Variants in NTNG1 observed in about 807,000 individuals in gnomAD.
NTNG1 encodes the protein netrin G1.
NTNG1 carries 16 observed loss-of-function variants against 54.0 expected under a neutral mutation model. That is an observed-to-expected ratio of 0.30 (90% confidence interval 0.20 to 0.45). NTNG1 has a LOEUF of 0.45. Ranked by LOEUF, NTNG1 falls within the 20% of genes least tolerant of loss-of-function variation. The probability of loss-of-function intolerance (pLI) is 1.00; values close to 1 mark genes in which losing one functional copy is unlikely to be tolerated. For synonymous variants in NTNG1, 255 were observed against 263.1 expected, an observed-to-expected ratio of 0.97 and a Z score of 0.30; for missense variants, 530 against 678.7, an observed-to-expected ratio of 0.78 and a Z score of 2.43.
chr1:107,233,639 C>T (rs1382993628), intron 2 of NTNG1, among the ~76,000 whole-genome samples: 1 of 152,132 alleles, frequency 6.6e-6, no homozygotes, highest in Non-Finnish European at 1.5e-5. Context: ...TCACTGTTCC[C>T]CACATCTAGA....
chr1:107,433,735 A>G (rs1293222190), intron 6 of NTNG1, among the ~76,000 whole-genome samples: 1 of 152,182 alleles, frequency 6.6e-6, no homozygotes, highest in Non-Finnish European at 1.5e-5. Context: ...CAATGAATTA[A>G]TAACAATTTC....
intron 2 of NTNG1, among the ~76,000 whole-genome samples, chr1:107,296,647 A>G (rs954663511): frequency 2.7e-5 from 4 of 145,666 alleles, no homozygotes; most frequent in Non-Finnish European, 6.0e-5. Flanking sequence ...TGAAATATAT[A>G]TTATTTACAT....
intron 2 of NTNG1, among the ~76,000 whole-genome samples, chr1:107,202,489 C>G (rs1658830698): frequency 6.6e-6 from 1 of 151,752 alleles, no homozygotes; most frequent in Admixed American, 6.6e-5. Flanking sequence ...AGTACTACTA[C>G]TACTATTTTA....
chr1:107,205,064 G>A (rs1052414312), intron 2 of NTNG1, among the ~76,000 whole-genome samples: 2 of 152,150 alleles, frequency 1.3e-5, no homozygotes, highest in African/African-American at 4.8e-5. Flanking sequence ...ACATGAAAAT[G>A]TGGAGCTCCA....
chr1:107,399,418 T>C (rs1672884065), intron 4 of NTNG1, among the ~76,000 whole-genome samples: 1 of 152,338 alleles, frequency 6.6e-6, no homozygotes, highest in Middle Eastern at 3.4e-3. Context: ...GACTTTGACA[T>C]TATTTGTTCA....
At chr1:107,188,692 G>C (rs1462406866) in intron 2 of NTNG1, among the ~76,000 whole-genome samples, 1 of 151,794 alleles carries the variant, frequency 6.6e-6, no homozygotes. Context: ...ATTATATTTG[G>C]GTCTCTTGGT....
At chr1:107,260,933 T>A (rs1456172031) in intron 2 of NTNG1, 1 of 152,194 alleles carries the variant, frequency 6.6e-6, no homozygotes, top group Non-Finnish European at 1.5e-5. Context: ...CAGCTGGGAC[T>A]ACTCACCAAG....
chr1:107,354,697 C>T (rs1432170686), intron 3 of NTNG1, among the ~76,000 whole-genome samples: 1 of 151,938 alleles, frequency 6.6e-6, no homozygotes, highest in Non-Finnish European at 1.5e-5. Context: ...CCTTTTGGTC[C>T]TCACCAATAC....
At chr1:107,233,431 A>G (rs1557831098) in intron 2 of NTNG1, among the ~76,000 whole-genome samples, 1 of 152,222 alleles carries the variant, frequency 6.6e-6, no homozygotes, top group Non-Finnish European at 1.5e-5. Context: ...CTTTCAGTAA[A>G]CAACCTTGAT....
At chr1:107,262,021 C>A (rs2101655204) in intron 2 of NTNG1, among the ~76,000 whole-genome samples, 1 of 152,272 alleles carries the variant, frequency 6.6e-6, no homozygotes, top group South Asian at 2.1e-4. Context: ...AAATAAGATA[C>A]ACCTTAAAAT....
intron 2 of NTNG1, among the ~76,000 whole-genome samples, chr1:107,190,398 A>C (rs1162765179): frequency 6.6e-6 from 1 of 152,128 alleles, no homozygotes; most frequent in Non-Finnish European, 1.5e-5. Flanking sequence ...AGAGTTCTTG[A>C]GCATCTTTTT....
At position 107,361,391 on chromosome 1, in the gene NTNG1, A is replaced by ATATATATTTT. The variant is rs370815306; in HGVS notation, c.888-33762_888-33761insATATATTTTT. ...TATATATACATATATATATATATAT[A>ATATATATTTT]TTTTTTTTTTTTTTTGAGACACAGT... On this transcript the variant is annotated intron_variant, in intron 3 of 7. Coordinates refer to ENST00000370068, the MANE Select transcript of NTNG1 (RefSeq NM_001113226.3). Among the ~76,000 whole-genome samples, 561 of 87,924 alleles carry ATATATATTTT rather than the reference A, an allele frequency of 6.4e-3. 2 individuals are homozygous for ATATATATTTT. The highest frequency in any genetic ancestry group is 8.0e-3 in the Non-Finnish European group (373 of 46,496). The allele number at this position is 87,924 out of a possible 152,430, so 57.7% of individuals were successfully genotyped here.
chr1:107,251,173 A>C (rs1319853200), intron 2 of NTNG1, among the ~76,000 whole-genome samples: 1 of 152,204 alleles, frequency 6.6e-6, no homozygotes, highest in Non-Finnish European at 1.5e-5. Flanking sequence ...TAAATGCCAA[A>C]ACTTTTAAAC....
chr1:107,148,798 G>T lies in NTNG1; in HGVS notation c.205G>T (p.Asp69Tyr). 6.2e-7 allele frequency: 1 copy of T among 1,613,714 alleles called. No homozygotes were observed. Among genetic ancestry groups the T allele is most frequent in the Non-Finnish European group, 8.5e-7 (1 of 1,179,686 alleles). ...TCTGAAAGTGAAACTCGATCCTCCG[G>T]ATATTACCTGTGGAGACCCTCCTGA... is the stretch of plus-strand genomic sequence containing the variant. ...KYLKVKLDPP[D>Y]ITCGDPPETF... Residue 69 changes from aspartate (D) to tyrosine (Y), a missense_variant, in exon 2 of 8, where the codon GAT (aspartate) becomes TAT (tyrosine). Physicochemically the swap from Asp to Tyr is radical, Grantham distance 160. Transcript: ENST00000370068.
At chr1:107,292,946 T>G (rs538663152) in intron 2 of NTNG1, among the ~76,000 whole-genome samples, 15 of 149,396 alleles carry the variant, frequency 1.0e-4, no homozygotes, top group African/African-American at 3.6e-4. Flanking sequence ...CTTCCACTCC[T>G]GCTCTAAAAC....
chr1:107,333,061 GA>G, intron 3 of NTNG1, among the ~76,000 whole-genome samples: 1 of 152,030 alleles, frequency 6.6e-6, no homozygotes, highest in Admixed American at 6.6e-5. Context: ...TACTGGTCCA[GA>G]AGATTATAAA....
chr1:107,193,743 A>G (rs1275901003), intron 2 of NTNG1, among the ~76,000 whole-genome samples: 1 of 151,950 alleles, frequency 6.6e-6, no homozygotes, highest in African/African-American at 2.4e-5. Flanking sequence ...TGGAATATCT[A>G]TTAATTTGCC....
intron 2 of NTNG1, among the ~76,000 whole-genome samples, chr1:107,222,647 T>G (rs975870688): frequency 6.6e-6 from 1 of 152,034 alleles, no homozygotes; most frequent in Admixed American, 6.5e-5. Flanking sequence ...ATTGAAACAA[T>G]GCCCGTGGAA....
intron 5 of NTNG1, chr1:107,421,184 T>A (rs1392861348): frequency 7.2e-6 from 10 of 1,396,760 alleles, no homozygotes; most frequent in Non-Finnish European, 9.1e-6. Flanking sequence ...CATGGTGTTA[T>A]GTGTTGTGAA....
Sources: gnomAD v4.1 joint callset for allele counts (sites outside exome capture counted in the v4.1 genomes callset) on GRCh38, gnomAD v4.1.1 for gene constraint, MANE v1.5 for transcripts, NCBI Gene and HGNC (gene_info 2026-07-23, HGNC 2026-07-21) for gene names.